MYPN: variants seen among roughly 807,000 people sequenced by gnomAD.
The protein encoded by MYPN is myopalladin.
MYPN carries 63 observed loss-of-function variants against 129.4 expected under a neutral mutation model. The ratio of observed to expected loss-of-function variants is 0.49; its 90% confidence interval spans 0.40 to 0.60. The LOEUF (loss-of-function observed/expected upper bound fraction) is 0.60. MYPN is among the 20% of genes least tolerant of loss of function. The probability of loss-of-function intolerance (pLI) is 0.00; values close to 1 mark genes in which losing one functional copy is unlikely to be tolerated. For missense variants in MYPN, 1,596 were observed against 1,635.4 expected (o/e 0.98, Z 0.42); for synonymous variants, 629 against 600.9 (o/e 1.05, Z -0.68).
At chr10:68,148,046 C>G (rs2042698978) in intron 4 of MYPN, among the ~76,000 whole-genome samples, 1 of 152,104 alleles carries the variant, frequency 6.6e-6, no homozygotes, top group Non-Finnish European at 1.5e-5. Context: ...AAAAAATTAC[C>G]TTCTGCACAT....
rs1263627849 is a variant in MYPN at position 68,206,975 on chromosome 10, G to C, written c.3793+72G>C. ...TAAAAATATTTTTTTAAAGATAAAT[G>C]GGTCAGGCAAGGTGGCTCATGCCTG... On this transcript the variant is annotated intron_variant, in intron 19 of 19. Transcript: ENST00000358913. The C allele has an allele frequency of 9.5e-6, 15 of 1,575,970 alleles. No individual in the cohort carries two copies. The South Asian group carries it at 1.6e-4, about 17-fold the overall frequency.
chr10:68,202,767 T>G (rs1019346052), intron 18 of MYPN, among the ~76,000 whole-genome samples: 1 of 151,532 alleles, frequency 6.6e-6, no homozygotes, highest in African/African-American at 2.4e-5. Context: ...CTGAGAATTA[T>G]TTCACCACAG....
chr10:68,126,189 G>A (rs1238392523), intron 2 of MYPN, among the ~76,000 whole-genome samples: 1 of 152,160 alleles, frequency 6.6e-6, no homozygotes, highest in Non-Finnish European at 1.5e-5. Context: ...TAGAGATAAG[G>A]TTGAAGAGGT....
chr10:68,202,816 G>A (rs753781301), intron 18 of MYPN, among the ~76,000 whole-genome samples: 22 of 151,172 alleles, frequency 1.5e-4, no homozygotes, highest in Non-Finnish European at 2.4e-4. Context: ...TAGCTGTTGG[G>A]TTTTAAAGAA....
intron 1 of MYPN, among the ~76,000 whole-genome samples, chr10:68,088,418 G>T (rs1248413427): frequency 2.6e-5 from 4 of 152,184 alleles, no homozygotes; most frequent in Non-Finnish European, 5.9e-5. Flanking sequence ...CAGAGCAATT[G>T]AGCTGATTGA....
intron 6 of MYPN, among the ~76,000 whole-genome samples, chr10:68,154,646 G>A (rs959260290): frequency 3.3e-5 from 5 of 152,202 alleles, no homozygotes; most frequent in Non-Finnish European, 5.9e-5. Context: ...CTGTGCACTT[G>A]CAGCATCTTC....
Position 68,206,754 on chromosome 10 carries a change from C to A in MYPN, c.3660-16C>A, listed in dbSNP as rs1238588041. On this transcript the variant is annotated splice_polypyrimidine_tract_variant and intron_variant, in intron 18 of 19. Coordinates refer to ENST00000358913, the MANE Select transcript of MYPN (RefSeq NM_032578.4). ...CCCCCCGATAAAATATAGGTATATT[C>A]TCTCTTTTTCTCCAGTATGCACCAG... The A allele has an allele frequency of 6.2e-7, 1 of 1,614,114 alleles. No homozygotes were observed. The highest frequency in any genetic ancestry group is 2.2e-5 in the East Asian group (1 of 44,886).
chr10:68,154,579 C>T (rs2042835856), intron 6 of MYPN, among the ~76,000 whole-genome samples: 1 of 152,210 alleles, frequency 6.6e-6, no homozygotes, highest in East Asian at 1.9e-4. Context: ...AAAGAGCTTT[C>T]AATCAGACAG....
At chr10:68,106,310 GT>G (rs2042012915), upstream of MYPN, 1 of 366,520 alleles carries the variant, frequency 2.7e-6, no homozygotes, top group Non-Finnish European at 5.3e-6. Context: ...AATGTTTTTA[GT>G]TTTCCCAGGC....
rs1265642360 is a variant in MYPN, at chr10:68,210,857, A to T, written c.*402A>T. ...AGTGACCTTAGGATATGACTAACTC[A>T]CCAAACAATGCCAAGGAGAAAGGCG... On this transcript the variant is annotated 3_prime_UTR_variant, in exon 20 of 20. Transcript: ENST00000358913. 4 of 457,384 alleles carry T rather than the reference A, an allele frequency of 8.7e-6. No homozygotes were observed. Among genetic ancestry groups the T allele is most frequent in the South Asian group, 6.2e-5 (4 of 64,490 alleles). 28.3% of individuals were successfully genotyped at this position (457,384 alleles called of 1,614,324 possible).
At chr10:68,198,423 G>A (rs1564696843) in intron 16 of MYPN, among the ~76,000 whole-genome samples, 1 of 152,186 alleles carries the variant, frequency 6.6e-6, no homozygotes, top group African/African-American at 2.4e-5. Flanking sequence ...AGAATGAAGA[G>A]AAGCTTATGT....
chr10:68,102,735 A>T (rs2133946918), upstream of MYPN, among the ~76,000 whole-genome samples: 1 of 152,012 alleles, frequency 6.6e-6, no homozygotes, highest in African/African-American at 2.4e-5. Context: ...TTTGTATTTG[A>T]TTATATTAAC....
At chr10:68,124,983 T>C (rs1168204476) in intron 2 of MYPN, among the ~76,000 whole-genome samples, 1 of 152,172 alleles carries the variant, frequency 6.6e-6, no homozygotes, top group Non-Finnish European at 1.5e-5. Flanking sequence ...CCAGTTGTGA[T>C]ATACACAAAA....
chr10:68,138,076 T>C (rs1282402044), intron 2 of MYPN, among the ~76,000 whole-genome samples: 1 of 151,874 alleles, frequency 6.6e-6, no homozygotes, highest in Non-Finnish European at 1.5e-5. Context: ...GGACATTTTT[T>C]GGTGAAATGG....
At chr10:68,088,989 C>G (rs1051495491) in intron 1 of MYPN, among the ~76,000 whole-genome samples, 1 of 152,294 alleles carries the variant, frequency 6.6e-6, no homozygotes, top group East Asian at 1.9e-4. Flanking sequence ...CTCGATATTT[C>G]ACATCAATGA....
chr10:68,196,525 C>T, intron 15 of MYPN, among the ~76,000 whole-genome samples: 1 of 123,824 alleles, frequency 8.1e-6, no homozygotes, highest in East Asian at 2.3e-4. Context: ...ACTCTGTCAC[C>T]CAGGCTGGAA....
chr10:68,166,164 G>A (rs1005498593), intron 9 of MYPN, 130 bp from the exon 10 acceptor site: 1 of 1,057,274 alleles, frequency 9.5e-7, no homozygotes, highest in African/African-American at 1.6e-5. Context: ...ATGCCCAGAT[G>A]ATGATCTGTT....
At chr10:68,145,027 C>CT (rs768474511) in intron 3 of MYPN, among the ~76,000 whole-genome samples, 220 of 141,852 alleles carry the variant, frequency 1.6e-3, no homozygotes, top group Middle Eastern at 0.011. Flanking sequence ...GAGTTCATTT[C>CT]TTTTTTTTTT....
intron 17 of MYPN, among the ~76,000 whole-genome samples, chr10:68,200,549 G>A (rs1391771046): frequency 6.6e-6 from 1 of 152,084 alleles, no homozygotes; most frequent in Non-Finnish European, 1.5e-5. Context: ...CCTGAGGTTA[G>A]GAGTTCAAGA....
Sources: gnomAD v4.1 joint callset for allele counts (sites outside exome capture counted in the v4.1 genomes callset) on GRCh38, gnomAD v4.1.1 for gene constraint, MANE v1.5 for transcripts, NCBI Gene and HGNC (gene_info 2026-07-23, HGNC 2026-07-21) for gene names.